MYH11: variants seen among roughly 807,000 people sequenced by gnomAD.
The protein encoded by MYH11 is myosin heavy chain 11.
In MYH11, 80 loss-of-function variants were observed where a neutral mutation model predicts 246.6. That is an observed-to-expected ratio of 0.32 (90% CI 0.27 to 0.39). The LOEUF is 0.39. Among genes scored for constraint, MYH11 ranks in the 10% least tolerant of loss-of-function variants. The pLI, the probability that MYH11 is intolerant of heterozygous loss-of-function variation, is 1.00. For synonymous variants in MYH11, 1,071 were observed against 1,015.5 expected, an observed-to-expected ratio of 1.05 and a Z score of -1.04; for missense variants, 2,158 against 2,546.8, an observed-to-expected ratio of 0.85 and a Z score of 3.29.
chr16:15,798,155 A>G (rs1200007866), intron 4 of MYH11, among the ~76,000 whole-genome samples: 2 of 152,240 alleles, frequency 1.3e-5, no homozygotes, highest in African/African-American at 2.4e-5. Flanking sequence ...AACTCTCTCA[A>G]TGATTCTAAA....
intron 40 of MYH11, among the ~76,000 whole-genome samples, chr16:15,708,546 C>T (rs928403238): frequency 5.9e-5 from 9 of 152,194 alleles, no homozygotes; most frequent in African/African-American, 9.6e-5. Context: ...GTGATAAGGG[C>T]GCACACTGTT....
At chr16:15,814,342 C>T (rs1408107960) in intron 3 of MYH11, among the ~76,000 whole-genome samples, 5 of 151,706 alleles carry the variant, frequency 3.3e-5, no homozygotes, top group Non-Finnish European at 5.9e-5. Flanking sequence ...CACCTAAGGT[C>T]GGGAGTTCAA....
intron 40 of MYH11, 188 bp downstream of exon 40, chr16:15,714,721 A>G: frequency 5.5e-6 from 4 of 723,518 alleles, no homozygotes; most frequent in Non-Finnish European, 9.3e-6. Context: ...CAGGCAAGGC[A>G]GGGCCCGGGT....
intron 10 of MYH11, among the ~76,000 whole-genome samples, chr16:15,763,545 AT>A (rs1359793100): frequency 6.6e-6 from 1 of 152,092 alleles, no homozygotes; most frequent in African/African-American, 2.4e-5. Flanking sequence ...AAAATTTTGT[AT>A]TTAAAAAAAA....
intron 9 of MYH11, among the ~76,000 whole-genome samples, chr16:15,764,179 T>G (rs978317914): frequency 4.6e-5 from 7 of 152,184 alleles, no homozygotes; most frequent in African/African-American, 1.7e-4. Flanking sequence ...CATTTACATA[T>G]TGTCTGTAAC....
intron 3 of MYH11, among the ~76,000 whole-genome samples, chr16:15,809,082 C>T (rs977290317): frequency 6.6e-6 from 1 of 152,090 alleles, no homozygotes; most frequent in African/African-American, 2.4e-5. Context: ...TACACTTCAC[C>T]TTCCAAGGAA....
chr16:15,740,490 A>G (rs908809360), intron 22 of MYH11, among the ~76,000 whole-genome samples: 1 of 152,030 alleles, frequency 6.6e-6, no homozygotes, highest in African/African-American at 2.4e-5. Flanking sequence ...GGGCTCCTGT[A>G]ATCCCAGCTA....
intron 3 of MYH11, among the ~76,000 whole-genome samples, chr16:15,812,302 G>A (rs2043155692): frequency 6.6e-6 from 1 of 152,022 alleles, no homozygotes; most frequent in Admixed American, 6.6e-5. Context: ...GGCTAGCGTT[G>A]GATCACCCAA....
At position 15,750,024 on chromosome 16, in the gene MYH11, A is replaced by T; in HGVS notation, c.2058+114T>A. ...CTGAGATTCAGATAGCCTTCCCCAC[A>T]TGGAAAATGGGGTCCTCGGGGTAGG... On this transcript the variant is annotated intron_variant, in intron 16 of 40. Transcript: ENST00000300036. The surrounding 1 kb of genome is among the most constrained non-coding windows in gnomAD (Gnocchi z 4.3). The T allele has an allele frequency of 1.6e-6, 2 of 1,283,876 alleles. No homozygotes were observed. The highest frequency in any genetic ancestry group is 2.2e-6 in the Non-Finnish European group (2 of 907,140). The allele number at this position is 1,283,876 out of a possible 1,614,324, so 79.5% of individuals were successfully genotyped here. A position where few individuals can be genotyped will look rare whatever the true frequency, so the allele number is the denominator to read the frequency against.
intron 7 of MYH11, among the ~76,000 whole-genome samples, chr16:15,778,555 G>C (rs990515547): frequency 1.3e-5 from 2 of 152,198 alleles, no homozygotes; most frequent in African/African-American, 4.8e-5. Context: ...GATCATTTGA[G>C]CATCACATGC....
At chr16:15,721,737 G>A in intron 31 of MYH11, 103 bp from the exon 32 acceptor site, 2 of 1,235,878 alleles carry the variant, frequency 1.6e-6, no homozygotes, top group Non-Finnish European at 2.4e-6. Context: ...ATGTATTGAG[G>A]TGCAGGTGTA....
intron 15 of MYH11, 107 bp downstream of exon 15, chr16:15,753,287 C>T (rs993528284): frequency 1.1e-6 from 1 of 950,584 alleles, no homozygotes; most frequent in Non-Finnish European, 1.7e-6. Context: ...TTCCCCTGCC[C>T]CCATGTAAAG....
chr16:15,756,531 G>C lies in MYH11; in HGVS notation c.1576-17C>G. Reference sequence around the variant, plus strand: ...AGGGTTGTTCTGTGGGAGACAAGTAGGGCTTGAATCAGAGAGAACACCCAA... The same window carrying C: ...AGGGTTGTTCTGTGGGAGACAAGTACGGCTTGAATCAGAGAGAACACCCAA... On this transcript the variant is annotated splice_polypyrimidine_tract_variant and intron_variant, in intron 13 of 40. Transcript: ENST00000300036. 6.2e-7 allele frequency: 1 copy of C among 1,614,094 alleles called. No homozygotes were observed. Among genetic ancestry groups the C allele is most frequent in the East Asian group, 2.2e-5 (1 of 44,878 alleles).
intron 24 of MYH11, 102 bp from the exon 25 acceptor site, chr16:15,737,722 C>G (rs2041162490): frequency 8.0e-7 from 1 of 1,257,370 alleles, no homozygotes; most frequent in Non-Finnish European, 1.1e-6. Context: ...ATGAACACAT[C>G]CCCCAATCAG....
chr16:15,718,287 G>A (rs1415554673), intron 37 of MYH11, 28 bp downstream of exon 37: 12 of 1,606,652 alleles, frequency 7.5e-6, no homozygotes, highest in African/African-American at 1.3e-5. Context: ...AGTAGGCAGC[G>A]TGACTGTGGT....
At chr16:15,719,172 C>T (rs1302284624) in intron 36 of MYH11, 48 bp downstream of exon 36, 3 of 1,533,894 alleles carry the variant, frequency 2.0e-6, no homozygotes, top group South Asian at 1.1e-5. Flanking sequence ...TGCTGCCTGT[C>T]CCCCCATCCT....
intron 22 of MYH11, chr16:15,741,136 A>C: frequency 6.4e-6 from 3 of 468,078 alleles, no homozygotes; most frequent in Non-Finnish European, 3.9e-6. Flanking sequence ...ATTCCTGACT[A>C]TGCAATACTT....
At chr16:15,787,145 G>A (rs2042489787) in intron 4 of MYH11, among the ~76,000 whole-genome samples, 1 of 152,072 alleles carries the variant, frequency 6.6e-6, no homozygotes, top group Non-Finnish European at 1.5e-5. Context: ...GGTGGCACAT[G>A]CCTGTAGTCC....
intron 40 of MYH11, among the ~76,000 whole-genome samples, chr16:15,706,086 G>C (rs945031625): frequency 6.6e-6 from 1 of 151,876 alleles, no homozygotes; most frequent in Admixed American, 6.6e-5. Context: ...GAGAGACCCC[G>C]GCTGGGAAAG....
Sources: gnomAD v4.1 joint callset for allele counts (sites outside exome capture counted in the v4.1 genomes callset) on GRCh38, gnomAD v4.1.1 for gene constraint, Gnocchi (gnomAD v3.1) non-coding constraint, MANE v1.5 for transcripts, NCBI Gene and HGNC (gene_info 2026-07-23, HGNC 2026-07-21) for gene names.